The following FBXW4 variants were observed in gnomAD, a reference collection of about 807,000 sequenced individuals.
FBXW4 encodes the protein F-box/WD repeat-containing protein 4.
Under a neutral mutation model 61.8 loss-of-function variants are expected in FBXW4, and 40 were observed. The ratio of observed to expected loss-of-function variants is 0.65; its 90% CI spans 0.50 to 0.84. The LOEUF is 0.84. Among genes scored for constraint, FBXW4 ranks in the 40% least tolerant of loss-of-function variants. FBXW4 has a pLI of 0.00. For synonymous variants in FBXW4, 311 were observed against 313.8 expected (o/e 0.99, Z 0.10); for missense variants, 672 against 753.8 (o/e 0.89, Z 1.27).
intron 5 of FBXW4, among the ~76,000 whole-genome samples, chr10:101,630,480 T>C (rs2063943619): frequency 6.6e-6 from 1 of 151,638 alleles, no homozygotes; most frequent in South Asian, 2.1e-4. Flanking sequence ...CCAGCAAGGG[T>C]AGGAAGGAGG....
chr10:101,683,410 G>A (rs927045789), intron 1 of FBXW4, among the ~76,000 whole-genome samples: 2 of 152,094 alleles, frequency 1.3e-5, no homozygotes, highest in African/African-American at 2.4e-5. Flanking sequence ...TCAGCTTTCC[G>A]GCACTTAGTA....
At chr10:101,644,089 A>C (rs1168768665) in intron 5 of FBXW4, among the ~76,000 whole-genome samples, 1 of 152,220 alleles carries the variant, frequency 6.6e-6, no homozygotes, top group African/African-American at 2.4e-5. Flanking sequence ...TAAATACAGC[A>C]GTGACACAAA....
intron 5 of FBXW4, among the ~76,000 whole-genome samples, chr10:101,637,340 C>A (rs1228801386): frequency 7.5e-6 from 1 of 133,892 alleles, no homozygotes; most frequent in Non-Finnish European, 1.5e-5. Flanking sequence ...TGCAGTGAGC[C>A]GAGATCGTGC....
intron 5 of FBXW4, among the ~76,000 whole-genome samples, chr10:101,656,952 A>G (rs937548560): frequency 1.3e-5 from 2 of 152,132 alleles, no homozygotes. Flanking sequence ...TATGTTTTCA[A>G]TTTGCATTGA....
chr10:101,636,020 C>T (rs1168862419), intron 5 of FBXW4, among the ~76,000 whole-genome samples: 5 of 151,952 alleles, frequency 3.3e-5, no homozygotes, highest in African/African-American at 9.7e-5. Flanking sequence ...TATACATGGC[C>T]AAATACATAT....
intron 5 of FBXW4, among the ~76,000 whole-genome samples, chr10:101,651,269 T>C (rs1169853990): frequency 6.6e-6 from 1 of 151,886 alleles, no homozygotes; most frequent in African/African-American, 2.4e-5. Flanking sequence ...AAGAGGGGAC[T>C]AATTACTCGC....
At chr10:101,657,526 TG>T (rs1564916765) in intron 5 of FBXW4, among the ~76,000 whole-genome samples, 1 of 146,150 alleles carries the variant, frequency 6.8e-6, no homozygotes, top group Admixed American at 7.2e-5. Flanking sequence ...ACCAGCTACT[TG>T]GGGGGCTGAG....
At chr10:101,624,066 G>T (rs2063888289) in intron 6 of FBXW4, among the ~76,000 whole-genome samples, 1 of 149,490 alleles carries the variant, frequency 6.7e-6, no homozygotes, top group African/African-American at 2.5e-5. Flanking sequence ...AATTGCAAAG[G>T]ACTAGACACA....
chr10:101,660,450 C>T (rs889497831), intron 5 of FBXW4, among the ~76,000 whole-genome samples: 8 of 152,182 alleles, frequency 5.3e-5, no homozygotes, highest in African/African-American at 1.4e-4. Context: ...AGAGGCTTCC[C>T]GGCTGCTCAG....
intron 6 of FBXW4, among the ~76,000 whole-genome samples, chr10:101,621,918 T>C (rs975493301): frequency 2.0e-5 from 3 of 152,188 alleles, no homozygotes; most frequent in African/African-American, 7.2e-5. Context: ...CTTGCTTGTC[T>C]CTTGTCTAGG....
At chr10:101,641,887 A>G (rs2064056692) in intron 5 of FBXW4, among the ~76,000 whole-genome samples, 1 of 152,118 alleles carries the variant, frequency 6.6e-6, no homozygotes, top group Admixed American at 6.6e-5. Context: ...GTGGCCAGGC[A>G]CAGGCACAGT....
intron 5 of FBXW4, among the ~76,000 whole-genome samples, chr10:101,646,925 G>A (rs533553118): frequency 3.9e-5 from 6 of 152,302 alleles, no homozygotes; most frequent in East Asian, 1.9e-4. Flanking sequence ...CAGTGGAGCC[G>A]GAGTTGGTCT....
chr10:101,678,421 T>G (rs1178566858), intron 1 of FBXW4, among the ~76,000 whole-genome samples: 1 of 152,128 alleles, frequency 6.6e-6, no homozygotes, highest in Non-Finnish European at 1.5e-5. Context: ...TACACTAATT[T>G]CTTTTTTGTT....
chr10:101,616,917 G>A (rs2134803492), intron 6 of FBXW4, among the ~76,000 whole-genome samples: 1 of 152,386 alleles, frequency 6.6e-6, no homozygotes, highest in East Asian at 1.9e-4. Context: ...AGGAAAGGCA[G>A]AGCCTGAATC....
chr10:101,655,497 C>T lies in FBXW4; in HGVS notation c.1235+12389G>A, dbSNP rs181590797. Among the ~76,000 whole-genome samples the T allele has an allele frequency of 3.0e-3, 461 of 152,294 alleles. 5 individuals carry two copies. Among genetic ancestry groups the T allele is most frequent in the African/African-American group, 0.011 (448 of 41,556 alleles). ...AAAGAACACTTCAAAGGCATTAACA[C>T]ATGTGTGTCTTCCTCTTTGCCAAAT... On this transcript the variant is annotated intron_variant, in intron 5 of 8. Coordinates refer to ENST00000331272, the MANE Select transcript of FBXW4 (RefSeq NM_022039.4).
chr10:101,689,678 A>G (rs564179765), intron 1 of FBXW4, among the ~76,000 whole-genome samples: 2 of 152,330 alleles, frequency 1.3e-5, no homozygotes, highest in Admixed American at 6.5e-5. Flanking sequence ...TAGCAATACC[A>G]TCTCCATTCA....
chr10:101,646,510 A>T (rs1052016953), intron 5 of FBXW4, among the ~76,000 whole-genome samples: 3 of 152,194 alleles, frequency 2.0e-5, no homozygotes, highest in African/African-American at 7.2e-5. Flanking sequence ...CATTTCCCCC[A>T]CAGGAGCAAC....
At position 101,694,306 on chromosome 10, in the gene FBXW4, G is replaced by C. The variant is rs1205703550; in HGVS notation, c.725+75C>G. 5 of 1,306,016 alleles carry C rather than the reference G, an allele frequency of 3.8e-6. No homozygotes were observed. The highest frequency in any genetic ancestry group is 4.9e-6 in the Non-Finnish European group (5 of 1,022,984). The allele number at this position is 1,306,016 out of a possible 1,614,324, so 80.9% of individuals were successfully genotyped here. ...TGCGACACGACCCTGGGCCGACCAG[G>C]CCGCGGCGCCCCGCCCTTTCCCGGG... On this transcript the variant is annotated intron_variant, in intron 1 of 8. Transcript: ENST00000331272. The surrounding 1 kb of genome is among the most constrained non-coding windows in gnomAD (Gnocchi z 6.0).
chr10:101,644,022 T>G (rs754333215), intron 5 of FBXW4, among the ~76,000 whole-genome samples: 15 of 152,230 alleles, frequency 9.9e-5, no homozygotes, highest in Non-Finnish European at 2.1e-4. Context: ...ACTGCAATTA[T>G]TCCCCCCATC....
Sources: allele counts gnomAD v4.1 joint callset (sites outside exome capture counted in the v4.1 genomes callset), GRCh38; gene constraint gnomAD v4.1.1; non-coding constraint Gnocchi (gnomAD v3.1); transcripts MANE v1.5; gene names NCBI Gene and HGNC (gene_info 2026-07-23, HGNC 2026-07-21).